SORL1: variants seen among roughly 807,000 people sequenced by gnomAD.
SORL1 encodes sortilin-related receptor.
A neutral mutation model predicts 273.7 loss-of-function variants in SORL1; 127 were observed. The observed-to-expected ratio is 0.46, with a 90% CI of 0.40 to 0.54. The LOEUF is 0.54. Ranked by LOEUF, SORL1 falls within the 20% of genes least tolerant of loss-of-function variation. The pLI is 0.00. For synonymous variants in SORL1, 1,031 were observed against 1,067.4 expected, an observed-to-expected ratio of 0.97 and a Z score of 0.66; for missense variants, 2,494 against 2,846.1, an observed-to-expected ratio of 0.88 and a Z score of 2.81.
chr11:121,619,186 A>G (rs1295265967), intron 42 of SORL1, among the ~76,000 whole-genome samples: 1 of 152,228 alleles, frequency 6.6e-6, no homozygotes, highest in Admixed American at 6.5e-5. Context: ...TTTAGCCTAC[A>G]TACTTTTATG....
chr11:121,550,564 GCT>G lies in SORL1; in HGVS notation c.2181-18_2181-17del, dbSNP rs1226119466. 2.5e-6 allele frequency: 4 copies of G among 1,612,202 alleles called. No homozygotes were observed. Among genetic ancestry groups the G allele is most frequent in the Non-Finnish European group, 3.4e-6 (4 of 1,178,296 alleles). On this transcript the variant is annotated intron_variant, in intron 15 of 47. Coordinates refer to ENST00000260197, the MANE Select transcript of SORL1 (RefSeq NM_003105.6). This position sits in a 1 kb window ranked among gnomAD's most constrained non-coding sequence, Gnocchi z 5.3. The stretch of plus-strand genomic sequence containing the variant: ...TATTCTTCCATGTTTCTGACCTCTT[GCT>G]CTTGGGGTGGGGTGACAGCTACCGG...
chr11:121,550,472 A>T lies in SORL1; in HGVS notation c.2181-113A>T. The T allele has an allele frequency of 4.6e-6, 4 of 865,172 alleles. No homozygotes were observed. The South Asian group carries it at 5.7e-5, about 12-fold the overall frequency. 53.6% of individuals were successfully genotyped at this position (865,172 alleles called of 1,614,324 possible). A position where few individuals can be genotyped will look rare whatever the true frequency, so the allele number is the denominator to read the frequency against. On this transcript the variant is annotated intron_variant, in intron 15 of 47. Transcript: ENST00000260197. The surrounding 1 kb of genome is among the most constrained non-coding windows in gnomAD (Gnocchi z 5.3). The stretch of plus-strand genomic sequence containing the variant: ...ACATCCTCTTTCTAGTTCTAAAGAG[A>T]AATGAGTGGATGGACTCTACTGGCC...
chr11:121,625,039 GTTTCCATATTCGACTT>G (rs1565359036), intron 45 of SORL1, 30 bp from the exon 46 acceptor site: 1 of 1,408,158 alleles, frequency 7.1e-7, no homozygotes, highest in Middle Eastern at 1.8e-4. Flanking sequence ...GAGGCTGTCA[GTTTCCATATTCGACTT>G]CCTGAGCAAT....
chr11:121,608,238 T>C (rs1863508109), intron 38 of SORL1, 62 bp downstream of exon 38: 2 of 1,362,134 alleles, frequency 1.5e-6, no homozygotes, highest in Non-Finnish European at 2.1e-6. Context: ...TCAAATGACT[T>C]TCAGTATGAC....
chr11:121,482,984 C>G (rs780212061), intron 3 of SORL1, among the ~76,000 whole-genome samples: 2 of 152,200 alleles, frequency 1.3e-5, no homozygotes, highest in Non-Finnish European at 2.9e-5. Flanking sequence ...TGTGTGCTGC[C>G]CTGAACCATT....
intron 8 of SORL1, among the ~76,000 whole-genome samples, chr11:121,515,438 G>A (rs1022866014): frequency 6.6e-6 from 1 of 152,128 alleles, no homozygotes; most frequent in Admixed American, 6.5e-5. Flanking sequence ...ACCCCTGGGG[G>A]AGTAGCGCTG....
chr11:121,598,167 T>G (rs1000658979), intron 32 of SORL1, among the ~76,000 whole-genome samples: 1 of 152,134 alleles, frequency 6.6e-6, no homozygotes, highest in African/African-American at 2.4e-5. Context: ...CTTAGATCAC[T>G]TGGACTTCAT....
intron 6 of SORL1, among the ~76,000 whole-genome samples, chr11:121,511,944 A>G (rs1359024094): frequency 6.6e-6 from 1 of 152,190 alleles, no homozygotes; most frequent in African/African-American, 2.4e-5. Context: ...CAACATCTCA[A>G]TATGTTTAAT....
chr11:121,584,737 G>T (rs1186482098), intron 26 of SORL1, among the ~76,000 whole-genome samples: 1 of 152,088 alleles, frequency 6.6e-6, no homozygotes, highest in Non-Finnish European at 1.5e-5. Context: ...GACCACAGGG[G>T]TTGGCCACCA....
At chr11:121,606,572 C>G (rs1418649520) in intron 35 of SORL1, among the ~76,000 whole-genome samples, 2 of 152,182 alleles carry the variant, frequency 1.3e-5, no homozygotes, top group South Asian at 2.1e-4. Context: ...GTGACTCAGC[C>G]TGCCCAAGTG....
At chr11:121,491,603 C>T (rs981297286) in intron 5 of SORL1, among the ~76,000 whole-genome samples, 2 of 152,214 alleles carry the variant, frequency 1.3e-5, no homozygotes, top group Non-Finnish European at 1.5e-5. Flanking sequence ...TCTTTGGAGT[C>T]ATCGTTGATT....
intron 40 of SORL1, among the ~76,000 whole-genome samples, chr11:121,613,374 G>T (rs557072980): frequency 6.6e-6 from 1 of 152,290 alleles, no homozygotes; most frequent in African/African-American, 2.4e-5. Flanking sequence ...GCTAAAGGAT[G>T]GATTTTAATT....
chr11:121,591,722 C>T (rs1195808941), intron 31 of SORL1, among the ~76,000 whole-genome samples: 2 of 152,172 alleles, frequency 1.3e-5, no homozygotes, highest in East Asian at 1.9e-4. Flanking sequence ...GGTGAGGATC[C>T]TGTGTTCTTT....
At position 121,498,568 on chromosome 11, in the gene SORL1, C is replaced by T. The variant is rs893464974; in HGVS notation, c.939+1519C>T. ...CCGGGTTATTTCTAGGTGTCACGGT[C>T]GAGAGTTTAAGTTATATCCCAGCTG... On this transcript the variant is annotated intron_variant, in intron 6 of 47. Transcript: ENST00000260197. 7.2e-5 allele frequency among the ~76,000 whole-genome samples: 11 copies of T among 152,028 alleles called. No homozygotes were observed. The South Asian group carries it at 1.5e-3, about 20-fold the overall frequency.
At chr11:121,610,394 T>G (rs1274648950) in intron 38 of SORL1, 1 of 152,178 alleles carries the variant, frequency 6.6e-6, no homozygotes, top group Non-Finnish European at 1.5e-5. Flanking sequence ...GCTCCAGTCT[T>G]TTTGAGAGCA....
chr11:121,559,933 C>T (rs151260552), intron 21 of SORL1, among the ~76,000 whole-genome samples: 14 of 152,290 alleles, frequency 9.2e-5, no homozygotes, highest in Admixed American at 5.2e-4. Context: ...ATTGGTGGCG[C>T]GGCTTCTGTT....
intron 31 of SORL1, among the ~76,000 whole-genome samples, chr11:121,594,497 G>T (rs1863264977): frequency 6.7e-6 from 1 of 149,636 alleles, no homozygotes. Flanking sequence ...ACTCTTTGCT[G>T]AGTTTTTCAT....
At chr11:121,622,129 C>T (rs2134949705) in intron 44 of SORL1, 33 bp from the exon 45 acceptor site, 1 of 1,190,518 alleles carries the variant, frequency 8.4e-7, no homozygotes, top group East Asian at 2.3e-5. Flanking sequence ...TGTATATCCA[C>T]TAACCGCATC....
chr11:121,452,369 C>A lies in SORL1; in HGVS notation c.38C>A (p.Pro13Gln). Residue 13 changes from proline to glutamine, a missense_variant, in exon 1 of 48, where the codon CCG (proline) becomes CAG (glutamine). By Grantham distance (76) the Pro-to-Gln change is moderately conservative (BLOSUM62 -1). Transcript: ENST00000260197. This position sits in a 1 kb window ranked among gnomAD's most constrained non-coding sequence, Gnocchi z 5.3. Reference protein sequence around the residue: ...TRSSRRESRLPFLFTLVALLP... With the variant: ...TRSSRRESRLQFLFTLVALLP... ...AGCAGCAGGAGGGAGTCGCGACTCC[C>A]GTTCCTATTCACCCTGGTCGCACTG... The A allele has an allele frequency of 6.4e-7, 1 of 1,554,112 alleles. No individual in the cohort carries two copies. The highest frequency in any genetic ancestry group is 2.6e-5 in the East Asian group (1 of 38,566).
Sources: gnomAD v4.1 joint callset for allele counts (sites outside exome capture counted in the v4.1 genomes callset) on GRCh38, gnomAD v4.1.1 for gene constraint, Gnocchi (gnomAD v3.1) non-coding constraint, MANE v1.5 for transcripts, NCBI Gene and HGNC (gene_info 2026-07-23, HGNC 2026-07-21) for gene names.